The following LAIR1 variants were observed in gnomAD, a reference collection of about 807,000 sequenced individuals.
LAIR1 encodes the protein leukocyte-associated immunoglobulin-like receptor 1.
LAIR1 carries 24 observed loss-of-function variants against 32.8 expected under a neutral mutation model. That is an observed-to-expected ratio of 0.73 (90% CI 0.53 to 1.03). The LOEUF is 1.03. Among genes scored for constraint, LAIR1 ranks in the 50% least tolerant of loss-of-function variants. The pLI is 0.00. For missense variants in LAIR1, 355 were observed against 347.5 expected, an observed-to-expected ratio of 1.02 and a Z score of -0.17; for synonymous variants, 150 against 140.5, an observed-to-expected ratio of 1.07 and a Z score of -0.48.
chr19:54,358,402 A>C (rs889418842), intron 4 of LAIR1: 3 of 215,952 alleles, frequency 1.4e-5, no homozygotes, highest in Non-Finnish European at 2.4e-5. Flanking sequence ...TATATAATAT[A>C]TATATATATT....
chr19:54,367,465 C>T (rs545117732), upstream of LAIR1, among the ~76,000 whole-genome samples: 13 of 152,174 alleles, frequency 8.5e-5, no homozygotes, highest in East Asian at 3.9e-4. Flanking sequence ...TTTTTTAGGC[C>T]GGGTGCAATG....
upstream of LAIR1, among the ~76,000 whole-genome samples, chr19:54,372,272 A>T (rs59511334): frequency 0.045 from 6,853 of 151,432 alleles, 775 homozygotes; most frequent in African/African-American, 0.16. Flanking sequence ...CCGTTGCTCC[A>T]CATCCTCGCC....
In LAIR1 at chr19:54,355,919, T is replaced by G; in HGVS notation, c.717+35A>C. On this transcript the variant is annotated intron_variant, in intron 9 of 9. Coordinates refer to ENST00000391742, the MANE Select transcript of LAIR1 (RefSeq NM_002287.6). The surrounding 1 kb of genome is among the most constrained non-coding windows in gnomAD (Gnocchi z 4.7). The stretch of plus-strand genomic sequence containing the variant: ...ACTGAGATTTTTTTAAGCTGCTAAA[T>G]TTGGGGTACTTTAATAACTAGTAGG... 2 of 1,424,940 alleles carry G rather than the reference T, an allele frequency of 1.4e-6. No homozygotes were observed. The highest frequency in any genetic ancestry group is 2.0e-6 in the Non-Finnish European group (2 of 1,006,564). 88.3% of individuals were successfully genotyped at this position (1,424,940 alleles called of 1,614,324 possible). A position where few individuals can be genotyped will look rare whatever the true frequency, so the allele number is the denominator to read the frequency against.
chr19:54,369,495 C>T (rs1166768014), upstream of LAIR1, among the ~76,000 whole-genome samples: 5 of 151,338 alleles, frequency 3.3e-5, no homozygotes, highest in East Asian at 1.9e-4. Flanking sequence ...ACAGAGCTGT[C>T]GTTGTTCCAT....
At position 54,356,061 on chromosome 19, in the gene LAIR1, T is replaced by A. The variant is rs1357441542; in HGVS notation, c.665-55A>T. On this transcript the variant is annotated intron_variant, in intron 8 of 9. Transcript: ENST00000391742. ...TGGGGAGGATGTCGCAAGGCAAATC[T>A]GCCTGAGACCCCCACCCCCAGCTTC... The A allele has an allele frequency of 3.5e-6, 5 of 1,428,252 alleles. No individual in the cohort carries two copies. In the African/African-American group the frequency reaches 4.2e-5, roughly 12 times the overall value. The allele number at this position is 1,428,252 out of a possible 1,614,324, so 88.5% of individuals were successfully genotyped here. A position where few individuals can be genotyped will look rare whatever the true frequency, so the allele number is the denominator to read the frequency against.
At chr19:54,368,478 T>G (rs2082322167), upstream of LAIR1, 1 of 152,210 alleles carries the variant, frequency 6.6e-6, no homozygotes, top group Non-Finnish European at 1.5e-5. Context: ...CTTTTCACTT[T>G]AGGTCTTCAT....
rs749824127 is a variant in LAIR1, at chr19:54,358,615, T to C, written c.415+1407A>G. 9.3e-6 allele frequency: 15 copies of C among 1,604,744 alleles called. No homozygotes were observed. In the East Asian group the frequency reaches 3.3e-4, roughly 36 times the overall value. ...CATCAAATCCGGAGGCTTCAGTGCC[T>C]GGCACAGTCCCTGTGAGGACAAAAT... is the stretch of plus-strand genomic sequence containing the variant. On this transcript the variant is annotated intron_variant, in intron 4 of 9. Transcript: ENST00000391742.
chr19:54,373,172 G>A (rs1186995484), upstream of LAIR1, among the ~76,000 whole-genome samples: 3 of 151,134 alleles, frequency 2.0e-5, no homozygotes, highest in East Asian at 2.0e-4. Context: ...TCCTGGTGTG[G>A]TGGCTCACGC....
the LAIR1 span, among the ~76,000 whole-genome samples, chr19:54,375,807 G>A: frequency 1.7e-4 from 26 of 151,788 alleles, no homozygotes; most frequent in Admixed American, 5.2e-4. Context: ...ACAAGTCAAC[G>A]GACCTCACAG....
upstream of LAIR1, among the ~76,000 whole-genome samples, chr19:54,372,319 T>C (rs2082425262): frequency 6.6e-6 from 1 of 151,186 alleles, no homozygotes; most frequent in South Asian, 2.1e-4. Context: ...CGTTTTAGAA[T>C]TTGGCCACTC....
intron 4 of LAIR1, chr19:54,357,224 C>T (rs751612928): frequency 1.9e-6 from 1 of 527,852 alleles, no homozygotes; most frequent in Non-Finnish European, 3.4e-6. Context: ...CTGGCTGCAC[C>T]GTCTGCACCT....
In LAIR1 at chr19:54,355,579, G is replaced by A. The variant is rs748741263; in HGVS notation, c.718-165C>T. Among the ~76,000 whole-genome samples, 1 of 152,178 alleles carries A rather than the reference G, an allele frequency of 6.6e-6. No individual in the cohort carries two copies. Among genetic ancestry groups the A allele is most frequent in the East Asian group, 1.9e-4 (1 of 5,198 alleles). On this transcript the variant is annotated intron_variant, in intron 9 of 9. Transcript: ENST00000391742. The surrounding 1 kb of genome is among the most constrained non-coding windows in gnomAD (Gnocchi z 4.7). ...ACAGGGTATTGGGGTTGGTTTACGT[G>A]ACAATGAACAAGGCAGAAGGGAAGA...
At chr19:54,356,153 C>A (rs1318753974) in intron 8 of LAIR1, 77 bp downstream of exon 8, 6 of 1,391,486 alleles carry the variant, frequency 4.3e-6, no homozygotes, top group South Asian at 3.6e-5. Context: ...CTTCCCCCCA[C>A]CCCCCACATT....
chr19:54,372,437 G>A (rs1445104725), upstream of LAIR1, among the ~76,000 whole-genome samples: 1 of 150,818 alleles, frequency 6.6e-6, no homozygotes, highest in African/African-American at 2.5e-5. Flanking sequence ...CTGTCCCACA[G>A]CCTCAGAGAA....
At chr19:54,360,767 T>G in intron 3 of LAIR1, 149 bp downstream of exon 3, 1 of 639,622 alleles carries the variant, frequency 1.6e-6, no homozygotes, top group Admixed American at 3.0e-5. Flanking sequence ...GGGAGGTGTG[T>G]GCAGAGGAAG....
At chr19:54,374,672 G>C (rs2082472289), upstream of LAIR1, among the ~76,000 whole-genome samples, 2 of 152,148 alleles carry the variant, frequency 1.3e-5, no homozygotes, top group East Asian at 1.9e-4. Context: ...CATCCCAACA[G>C]AACTCATCAG....
intron 4 of LAIR1, 116 bp from the exon 5 acceptor site, chr19:54,357,082 G>T: frequency 3.2e-6 from 3 of 924,728 alleles, no homozygotes; most frequent in Admixed American, 2.2e-5. Flanking sequence ...GACCCTGACT[G>T]CTCCCTCTAG....
intron 4 of LAIR1, chr19:54,357,987 C>T (rs2081805893): frequency 6.7e-6 from 1 of 148,640 alleles, no homozygotes. Context: ...TTATATGTAT[C>T]ATGTATTATG....
chr19:54,371,173 C>CAGGT (rs1350105999), upstream of LAIR1, among the ~76,000 whole-genome samples: 1 of 151,412 alleles, frequency 6.6e-6, no homozygotes, highest in Non-Finnish European at 1.5e-5. Flanking sequence ...CCTCCTACCT[C>CAGGT]AGGTACCGTA....
Sources: allele counts gnomAD v4.1 joint callset (sites outside exome capture counted in the v4.1 genomes callset), GRCh38; gene constraint gnomAD v4.1.1; non-coding constraint Gnocchi (gnomAD v3.1); transcripts MANE v1.5; gene names NCBI Gene and HGNC (gene_info 2026-07-23, HGNC 2026-07-21).